STK31: variants seen among roughly 807,000 people sequenced by gnomAD.
STK31 encodes serine/threonine-protein kinase 31.
In STK31, 89 loss-of-function variants were observed where a neutral mutation model predicts 129.7. The observed-to-expected ratio is 0.69, with a 90% CI of 0.58 to 0.82. The LOEUF (loss-of-function observed/expected upper bound fraction) is 0.82, where lower values mean the gene tolerates loss of function less well. Ranked by LOEUF, STK31 falls within the 40% of genes least tolerant of loss-of-function variation. STK31 has a pLI of 0.00. For synonymous variants in STK31, 448 were observed against 395.3 expected (o/e 1.13, Z -1.58); for missense variants, 1,187 against 1,176.4 (o/e 1.01, Z -0.13).
intron 23 of STK31, among the ~76,000 whole-genome samples, chr7:23,818,476 A>T (rs1283717743): frequency 6.6e-6 from 1 of 152,176 alleles, no homozygotes; most frequent in African/African-American, 2.4e-5. Flanking sequence ...TTTTGTATGT[A>T]CAGGGGTATA....
At chr7:23,820,401 T>C (rs1793728186) in intron 23 of STK31, among the ~76,000 whole-genome samples, 1 of 152,360 alleles carries the variant, frequency 6.6e-6, no homozygotes, top group South Asian at 2.1e-4. Flanking sequence ...TTATTTCATA[T>C]TGATACATAA....
chr7:23,797,825 T>C (rs773882826), intron 22 of STK31, among the ~76,000 whole-genome samples: 2 of 152,204 alleles, frequency 1.3e-5, no homozygotes, highest in African/African-American at 2.4e-5. Context: ...ATCCAGGAGC[T>C]GGTTTCTTGA....
At chr7:23,726,698 TATAAA>T (rs1274230324) in intron 4 of STK31, among the ~76,000 whole-genome samples, 1 of 152,098 alleles carries the variant, frequency 6.6e-6, no homozygotes, top group Non-Finnish European at 1.5e-5. Context: ...TCAATTGAGA[TATAAA>T]ATAAAGTACA....
intron 17 of STK31, among the ~76,000 whole-genome samples, chr7:23,783,866 T>C (rs1444797456): frequency 6.6e-6 from 1 of 152,226 alleles, no homozygotes; most frequent in Non-Finnish European, 1.5e-5. Context: ...ATTTGCATTA[T>C]CCGTTTTTCT....
At chr7:23,810,919 G>A (rs1190234433) in intron 22 of STK31, among the ~76,000 whole-genome samples, 2 of 115,528 alleles carry the variant, frequency 1.7e-5, no homozygotes, top group Admixed American at 9.0e-5. Context: ...TAAAATATAT[G>A]TATATATGTG....
chr7:23,814,312 T>C (rs1296015228), intron 22 of STK31, among the ~76,000 whole-genome samples: 1 of 151,956 alleles, frequency 6.6e-6, no homozygotes, highest in Non-Finnish European at 1.5e-5. Context: ...TTGTACTTAA[T>C]GGAGAGGAAC....
intron 23 of STK31, among the ~76,000 whole-genome samples, chr7:23,824,034 T>G (rs1584505200): frequency 6.6e-6 from 1 of 152,366 alleles, no homozygotes; most frequent in East Asian, 1.9e-4. Context: ...GGTAGCGTGA[T>G]GCCTCCAGCT....
intron 23 of STK31, among the ~76,000 whole-genome samples, chr7:23,830,444 T>C (rs1794471983): frequency 6.6e-6 from 1 of 152,186 alleles, no homozygotes; most frequent in African/African-American, 2.4e-5. Context: ...TTATGTTGCT[T>C]TGATTTTCAA....
At chr7:23,746,976 T>A (rs575392740) in intron 8 of STK31, among the ~76,000 whole-genome samples, 8 of 152,132 alleles carry the variant, frequency 5.3e-5, no homozygotes, top group Non-Finnish European at 8.8e-5. Flanking sequence ...TGTGTAACTT[T>A]TTGAGAAAAA....
chr7:23,807,952 G>A (rs942784713), intron 22 of STK31, among the ~76,000 whole-genome samples: 4 of 151,102 alleles, frequency 2.6e-5, no homozygotes, highest in African/African-American at 7.3e-5. Context: ...AAGTGTGTTT[G>A]TAATTGCTCT....
At chr7:23,717,450 C>G in intron 3 of STK31, 31 bp from the exon 4 acceptor site, 1 of 1,448,238 alleles carries the variant, frequency 6.9e-7, no homozygotes, top group Non-Finnish European at 9.6e-7. Flanking sequence ...TAATATTTTA[C>G]TGTATCTTAT....
At position 23,783,410 on chromosome 7, in the gene STK31, A is replaced by T. The variant is rs530357087; in HGVS notation, c.2068-173A>T. Among the ~76,000 whole-genome samples, 3 of 152,304 alleles carry T rather than the reference A, an allele frequency of 2.0e-5. No individual in the cohort carries two copies. In the South Asian group the frequency reaches 6.2e-4, roughly 32 times the overall value. On this transcript the variant is annotated intron_variant, in intron 16 of 23. Transcript: ENST00000355870. ...TGTTTAATTTGCTTTAGCAGATGCA[A>T]GGTGAGTCGTGGTTTTCACTTGTTA...
chr7:23,809,374 A>G (rs1283557630), intron 22 of STK31, among the ~76,000 whole-genome samples: 1 of 152,082 alleles, frequency 6.6e-6, no homozygotes, highest in Non-Finnish European at 1.5e-5. Flanking sequence ...TTCTCCACTT[A>G]AATCCTATCC....
intron 9 of STK31, among the ~76,000 whole-genome samples, 189 bp from the exon 10 acceptor site, chr7:23,754,126 G>A (rs1319969884): frequency 6.6e-6 from 1 of 151,950 alleles, no homozygotes; most frequent in African/African-American, 2.4e-5. Context: ...AATTATGCAT[G>A]TCTGCATAAA....
At chr7:23,775,312 C>T (rs1480164812) in intron 15 of STK31, among the ~76,000 whole-genome samples, 1 of 152,110 alleles carries the variant, frequency 6.6e-6, no homozygotes, top group Admixed American at 6.6e-5. Flanking sequence ...GCTATCTGGG[C>T]TCTTTTTTAG....
intron 7 of STK31, among the ~76,000 whole-genome samples, chr7:23,736,351 G>A (rs750369699): frequency 3.9e-5 from 6 of 151,938 alleles, no homozygotes; most frequent in South Asian, 2.1e-4. Flanking sequence ...TGATTATTCC[G>A]AATACTTTAC....
chr7:23,715,045 A>G (rs1786217528), intron 3 of STK31, among the ~76,000 whole-genome samples: 1 of 152,222 alleles, frequency 6.6e-6, no homozygotes, highest in Non-Finnish European at 1.5e-5. Context: ...AAGATTAAAC[A>G]TTAAAACTAC....
rs145445814 is a variant in STK31 at position 23,729,009 on chromosome 7, A to G, written c.325-82A>G. On this transcript the variant is annotated intron_variant, in intron 5 of 23. Transcript: ENST00000355870. The stretch of plus-strand genomic sequence containing the variant: ...ATGCTATTTTGATATACAGGTCATT[A>G]ACAGAGAGCAGCAAATTGGTGGTTT... 274 of 1,320,550 alleles carry G rather than the reference A, an allele frequency of 2.1e-4. No individual in the cohort carries two copies. The African/African-American group carries it at 3.8e-3, about 18-fold the overall frequency. 81.8% of individuals were successfully genotyped at this position (1,320,550 alleles called of 1,614,324 possible).
chr7:23,736,092 GA>G, intron 7 of STK31, among the ~76,000 whole-genome samples, 196 bp downstream of exon 7: 1 of 152,214 alleles, frequency 6.6e-6, no homozygotes, highest in Non-Finnish European at 1.5e-5. Context: ...TATTTTGAAA[GA>G]AAAATAACTC....
Sources: allele counts gnomAD v4.1 joint callset (sites outside exome capture counted in the v4.1 genomes callset), GRCh38; gene constraint gnomAD v4.1.1; transcripts MANE v1.5; gene names NCBI Gene and HGNC (gene_info 2026-07-23, HGNC 2026-07-21).